ZNF280D: variants seen among roughly 807,000 people sequenced by gnomAD.
The protein encoded by ZNF280D is zinc finger protein 280D, also known as suppressor of hairy wing homolog 4.
ZNF280D carries 39 observed loss-of-function variants against 94.7 expected under a neutral mutation model. That is an observed-to-expected ratio of 0.41 (90% confidence interval 0.32 to 0.54). The LOEUF is 0.54. ZNF280D is among the 20% of genes least tolerant of loss of function. The pLI, the probability that ZNF280D is intolerant of heterozygous loss-of-function variation, is 0.22. For missense variants in ZNF280D, 1,090 were observed against 1,149.3 expected (o/e 0.95, Z 0.75); for synonymous variants, 398 against 377.6 (o/e 1.05, Z -0.63).
intron 19 of ZNF280D, chr15:56,653,349 G>A (rs376405514): frequency 7.9e-7 from 1 of 1,258,074 alleles, no homozygotes; most frequent in Non-Finnish European, 1.0e-6. Flanking sequence ...CCAGTGGGAA[G>A]TATGCTCAAT....
chr15:56,661,802 T>C (rs543375015), intron 16 of ZNF280D, among the ~76,000 whole-genome samples: 33 of 152,214 alleles, frequency 2.2e-4, no homozygotes, highest in Admixed American at 3.9e-4. Flanking sequence ...TAGAAATTAA[T>C]AGCTATCATT....
chr15:56,687,820 G>A (rs545277192), intron 9 of ZNF280D, among the ~76,000 whole-genome samples: 1 of 152,198 alleles, frequency 6.6e-6, no homozygotes, highest in East Asian at 1.9e-4. Flanking sequence ...CTGAGAGTAA[G>A]GACAGACCAA....
Position 56,631,565 on chromosome 15 carries a change from G to A in ZNF280D, c.2873C>T (p.Pro958Leu), listed in dbSNP as rs2052073413. 2 of 1,613,952 alleles carry A rather than the reference G, an allele frequency of 1.2e-6. No individual in the cohort carries two copies. Among genetic ancestry groups the A allele is most frequent in the Non-Finnish European group, 8.5e-7 (1 of 1,180,008 alleles). The change falls in exon 22 of 22, where the codon CCT becomes CTT. Residue 958 changes from proline (P) to leucine (L), a missense_variant. This residue lies in a region of ZNF280D where 577 missense variants were observed against 568.8 expected (regional missense o/e 1.01). Transcript: ENST00000267807. ...EVVSDQTDDIPGGNNPSTTEA... is the reference protein window; with the variant it reads ...EVVSDQTDDILGGNNPSTTEA... ...TGTTGTGCTAGGGTTATTTCCTCCA[G>A]GAATGTCATCTGTTTGATCAGACAC...
At chr15:56,657,923 T>C (rs186948420) in intron 17 of ZNF280D, among the ~76,000 whole-genome samples, 10 of 152,216 alleles carry the variant, frequency 6.6e-5, no homozygotes, top group African/African-American at 1.9e-4. Flanking sequence ...TGCACACACA[T>C]GTTCACAGTA....
chr15:56,715,549 T>C (rs1465121840), intron 1 of ZNF280D, among the ~76,000 whole-genome samples: 1 of 152,118 alleles, frequency 6.6e-6, no homozygotes, highest in African/African-American at 2.4e-5. Context: ...ATTCAATTTA[T>C]GCATGAGTAG....
At chr15:56,696,448 T>G (rs1673477113) in intron 6 of ZNF280D, among the ~76,000 whole-genome samples, 1 of 152,134 alleles carries the variant, frequency 6.6e-6, no homozygotes, top group African/African-American at 2.4e-5. Flanking sequence ...CGAGTAAGGC[T>G]CCCAGTACAG....
At chr15:56,701,272 G>T (rs1240938430) in intron 4 of ZNF280D, 34 bp from the exon 5 acceptor site, 15 of 1,330,012 alleles carry the variant, frequency 1.1e-5, no homozygotes, top group Middle Eastern at 2.6e-4. Flanking sequence ...AAAATACATT[G>T]TTTGAATGAA....
In ZNF280D at chr15:56,635,223, T is replaced by C; in HGVS notation, c.2287A>G (p.Arg763Gly). Residue 763 changes from arginine (R) to glycine (G), a missense_variant, in exon 21 of 22, where the codon AGA becomes GGA. Coordinates refer to ENST00000267807, the MANE Select transcript of ZNF280D (RefSeq NM_017661.4). The part of the protein sequence containing the change: ...KEIARPNMAE[R>G]ETETSNSESK... ...TCAGAATTTGATGTTTCTGTTTCTC[T>C]TTCAGCCATGTTAGGTCTTGCAATT... 1 of 1,558,918 alleles carries C rather than the reference T, an allele frequency of 6.4e-7. No homozygotes were observed. Among genetic ancestry groups the C allele is most frequent in the South Asian group, 1.2e-5 (1 of 81,948 alleles).
rs1247428844 is a variant in ZNF280D at position 56,630,583 on chromosome 15, G to A, written c.*915C>T. 1.3e-5 allele frequency: 2 copies of A among 152,060 alleles called. No individual in the cohort carries two copies. Among genetic ancestry groups the A allele is most frequent in the East Asian group, 3.9e-4 (2 of 5,192 alleles). 9.4% of individuals were successfully genotyped at this position (152,060 alleles called of 1,614,324 possible). A position where few individuals can be genotyped will look rare whatever the true frequency, so the allele number is the denominator to read the frequency against. On this transcript the variant is annotated 3_prime_UTR_variant, in exon 22 of 22. Transcript: ENST00000267807. ...TGCCAGGACATGTTTTCAGTTTACT[G>A]CTTTACAATATCTACATTATACCAT...
chr15:56,653,396 T>C (rs1240059576), intron 19 of ZNF280D: 4 of 1,330,380 alleles, frequency 3.0e-6, no homozygotes, highest in Non-Finnish European at 3.8e-6. Flanking sequence ...CCAAACAACA[T>C]CAGCCTTATG....
At chr15:56,702,927 AC>A (rs2057170843) in intron 4 of ZNF280D, among the ~76,000 whole-genome samples, 1 of 142,302 alleles carries the variant, frequency 7.0e-6, no homozygotes, top group South Asian at 2.1e-4. Context: ...ACACACACAC[AC>A]ACACACACAC....
intron 20 of ZNF280D, among the ~76,000 whole-genome samples, chr15:56,638,200 T>C (rs2052447505): frequency 6.6e-6 from 1 of 152,204 alleles, no homozygotes; most frequent in South Asian, 2.1e-4. Context: ...TTAATGCTAA[T>C]ATTTACTGTG....
At chr15:56,669,926 T>A (rs866377379) in intron 13 of ZNF280D, among the ~76,000 whole-genome samples, 54 of 2,430 alleles carry the variant, frequency 0.022, 12 homozygotes, top group Non-Finnish European at 0.036. Context: ...ATATATATAT[T>A]ATATATATAT....
At chr15:56,700,763 T>C in intron 6 of ZNF280D, 170 bp downstream of exon 6, 3 of 1,506,910 alleles carry the variant, frequency 2.0e-6, no homozygotes, top group Non-Finnish European at 1.8e-6. Context: ...CAGTTATTAC[T>C]TGGGGTACTG....
intron 1 of ZNF280D, among the ~76,000 whole-genome samples, chr15:56,733,214 G>A (rs1264426435): frequency 2.0e-5 from 3 of 152,306 alleles, no homozygotes; most frequent in Admixed American, 1.3e-4. Flanking sequence ...GCCCAGGCCT[G>A]CAGCAGCCGA....
chr15:56,712,987 G>A (rs968872929), intron 1 of ZNF280D, among the ~76,000 whole-genome samples: 5 of 152,038 alleles, frequency 3.3e-5, no homozygotes, highest in East Asian at 3.9e-4. Context: ...TGATCTGCCC[G>A]CCTTGGCCTC....
chr15:56,660,845 A>T (rs1401825260), intron 16 of ZNF280D, among the ~76,000 whole-genome samples: 3 of 152,064 alleles, frequency 2.0e-5, no homozygotes, highest in Non-Finnish European at 4.4e-5. Flanking sequence ...GATTCCACAT[A>T]AGTAACAACC....
rs1175851858 is a variant in ZNF280D, at chr15:56,733,445, G to C, written c.-86+13C>G. ...CTGCAGCGCAGGGCGGGCGGGGGCG[G>C]GGGGGCGCTTACCGTGAGCGGAGCG... On this transcript the variant is annotated intron_variant, in intron 1 of 21. Transcript: ENST00000267807. The C allele has an allele frequency of 9.4e-7, 1 of 1,062,552 alleles. No homozygotes were observed. Among genetic ancestry groups the C allele is most frequent in the Non-Finnish European group, 1.1e-6 (1 of 874,554 alleles). 65.8% of individuals were successfully genotyped at this position (1,062,552 alleles called of 1,614,324 possible). A position where few individuals can be genotyped will look rare whatever the true frequency, so the allele number is the denominator to read the frequency against.
At chr15:56,691,313 G>A (rs924212558) in intron 7 of ZNF280D, among the ~76,000 whole-genome samples, 5 of 151,874 alleles carry the variant, frequency 3.3e-5, no homozygotes, top group Non-Finnish European at 5.9e-5. Flanking sequence ...CAAAATACTC[G>A]ATTACTGATA....
Sources: allele counts gnomAD v4.1 joint callset (sites outside exome capture counted in the v4.1 genomes callset), GRCh38; gene constraint gnomAD v4.1.1; regional missense constraint gnomAD v4.1.1; transcripts MANE v1.5; gene names NCBI Gene and HGNC (gene_info 2026-07-23, HGNC 2026-07-21).